Variants in NKAIN3 observed in about 807,000 individuals in gnomAD.
NKAIN3 encodes sodium/potassium transporting ATPase interacting 3, also known as sodium/potassium-transporting ATPase subunit beta-1-interacting protein 3.
In NKAIN3, 25 loss-of-function variants were observed where a neutral mutation model predicts 30.2. The observed-to-expected ratio is 0.83, with a 90% confidence interval of 0.60 to 1.16. The LOEUF (loss-of-function observed/expected upper bound fraction) is 1.16. Ranked by LOEUF, NKAIN3 falls within the 50% of genes most tolerant of loss-of-function variation. The pLI, the probability that NKAIN3 is intolerant of heterozygous loss-of-function variation, is 0.00. For missense variants in NKAIN3, 225 were observed against 254.1 expected (o/e 0.89, Z 0.78); for synonymous variants, 91 against 89.6 (o/e 1.02, Z -0.09).
intron 5 of NKAIN3, among the ~76,000 whole-genome samples, chr8:62,934,918 G>A (rs1244788425): frequency 6.6e-6 from 1 of 152,100 alleles, no homozygotes; most frequent in Non-Finnish European, 1.5e-5. Flanking sequence ...ACCAGGCATT[G>A]ACCTGCCCAT....
intron 3 of NKAIN3, among the ~76,000 whole-genome samples, chr8:62,744,778 T>G (rs1379363914): frequency 1.3e-5 from 2 of 151,898 alleles, no homozygotes; most frequent in Non-Finnish European, 2.9e-5. Flanking sequence ...CTTCAGAGAG[T>G]AACTGCAAAT....
intron 4 of NKAIN3, among the ~76,000 whole-genome samples, chr8:62,858,635 T>C (rs867193093): frequency 6.6e-6 from 1 of 152,194 alleles, no homozygotes; most frequent in Non-Finnish European, 1.5e-5. Flanking sequence ...TCTGGCCACA[T>C]TCTGGCAAAG....
At chr8:62,582,702 TAA>T (rs1810344860) in intron 2 of NKAIN3, among the ~76,000 whole-genome samples, 1 of 152,182 alleles carries the variant, frequency 6.6e-6, no homozygotes, top group South Asian at 2.1e-4. Context: ...TGTACTGTGC[TAA>T]GTTTGGAAAA....
At chr8:62,415,913 A>G (rs1335880653) in intron 1 of NKAIN3, among the ~76,000 whole-genome samples, 1 of 152,004 alleles carries the variant, frequency 6.6e-6, no homozygotes, top group Admixed American at 6.6e-5. Flanking sequence ...GCCTGCCACC[A>G]TGCCCAGCTA....
At chr8:62,289,562 G>A (rs947129340) in intron 1 of NKAIN3, among the ~76,000 whole-genome samples, 1 of 152,094 alleles carries the variant, frequency 6.6e-6, no homozygotes, top group Admixed American at 6.5e-5. Context: ...CAGATGTGTG[G>A]TATTATTTCT....
intron 3 of NKAIN3, among the ~76,000 whole-genome samples, chr8:62,624,975 T>C (rs895950073): frequency 1.3e-4 from 20 of 152,042 alleles, no homozygotes; most frequent in African/African-American, 4.8e-4. Flanking sequence ...CCATTGCTCT[T>C]TTTACATCGT....
At chr8:62,550,713 G>C (rs1409472482) in intron 1 of NKAIN3, among the ~76,000 whole-genome samples, 1 of 152,158 alleles carries the variant, frequency 6.6e-6, no homozygotes, top group African/African-American at 2.4e-5. Context: ...AATAAAATTA[G>C]AGGTGCTACA....
chr8:62,845,511 C>T (rs7830715), intron 4 of NKAIN3, among the ~76,000 whole-genome samples: 91,006 of 150,974 alleles, frequency 0.6, 28,251 homozygotes, highest in Non-Finnish European at 0.7. Flanking sequence ...AAATATAGTA[C>T]CCACAGTGAA....
chr8:62,753,849 G>T (rs1389120379), intron 4 of NKAIN3, among the ~76,000 whole-genome samples: 3 of 151,984 alleles, frequency 2.0e-5, no homozygotes, highest in African/African-American at 7.2e-5. Flanking sequence ...AGCAAATCTG[G>T]ATATGTATAA....
chr8:62,656,443 A>T (rs1812766695), intron 3 of NKAIN3, among the ~76,000 whole-genome samples: 1 of 151,958 alleles, frequency 6.6e-6, no homozygotes, highest in South Asian at 2.1e-4. Context: ...AAAGTATAAA[A>T]AAATAAATAA....
chr8:62,825,103 C>G (rs547254570), intron 4 of NKAIN3, among the ~76,000 whole-genome samples: 2 of 152,164 alleles, frequency 1.3e-5, no homozygotes, highest in South Asian at 2.1e-4. Flanking sequence ...GTCCATGGAC[C>G]CCACCCATTG....
chr8:62,656,757 A>G (rs1033760045), intron 3 of NKAIN3, among the ~76,000 whole-genome samples: 7 of 152,182 alleles, frequency 4.6e-5, no homozygotes, highest in African/African-American at 1.7e-4. Context: ...CAGGCTTCCT[A>G]TAAGCTCTTT....
chr8:62,575,321 A>G (rs1810075367), intron 1 of NKAIN3, among the ~76,000 whole-genome samples: 1 of 152,172 alleles, frequency 6.6e-6, no homozygotes, highest in South Asian at 2.1e-4. Flanking sequence ...CTGTATGCCA[A>G]CAGCAAACAA....
At chr8:62,853,448 A>G (rs1026267719) in intron 4 of NKAIN3, among the ~76,000 whole-genome samples, 4 of 152,088 alleles carry the variant, frequency 2.6e-5, no homozygotes, top group Non-Finnish European at 5.9e-5. Context: ...CACTTAGCCC[A>G]TTTAGAATGT....
intron 1 of NKAIN3, among the ~76,000 whole-genome samples, chr8:62,449,224 G>T (rs1271326111): frequency 1.3e-5 from 2 of 151,962 alleles, no homozygotes; most frequent in Non-Finnish European, 2.9e-5. Flanking sequence ...GCACACTGTG[G>T]CATCATGGAA....
At chr8:62,787,127 A>T (rs1488533701) in intron 4 of NKAIN3, among the ~76,000 whole-genome samples, 3 of 152,164 alleles carry the variant, frequency 2.0e-5, no homozygotes, top group Non-Finnish European at 2.9e-5. Context: ...CATAATTTTA[A>T]TCATTCATTG....
At chr8:62,926,144 C>T (rs1822436592) in intron 5 of NKAIN3, among the ~76,000 whole-genome samples, 1 of 152,128 alleles carries the variant, frequency 6.6e-6, no homozygotes, top group Non-Finnish European at 1.5e-5. Context: ...ATCACACCCT[C>T]GTGACACCCT....
chr8:62,834,815 A>C (rs1819308741), intron 4 of NKAIN3, among the ~76,000 whole-genome samples: 1 of 152,154 alleles, frequency 6.6e-6, no homozygotes, highest in Non-Finnish European at 1.5e-5. Context: ...CATTTTTCAC[A>C]GAACCAGAAA....
intron 4 of NKAIN3, among the ~76,000 whole-genome samples, chr8:62,886,820 C>T (rs965550734): frequency 6.6e-6 from 1 of 152,138 alleles, no homozygotes; most frequent in South Asian, 2.1e-4. Context: ...CCCTCCTTGG[C>T]CTCCACCCCC....
Sources: gnomAD v4.1 joint callset for allele counts (sites outside exome capture counted in the v4.1 genomes callset) on GRCh38, gnomAD v4.1.1 for gene constraint, MANE v1.5 for transcripts, NCBI Gene and HGNC (gene_info 2026-07-23, HGNC 2026-07-21) for gene names.